CRTAP: variants seen among roughly 807,000 people sequenced by gnomAD.
CRTAP encodes the protein cartilage-associated protein.
A neutral mutation model predicts 42.7 loss-of-function variants in CRTAP; 33 were observed. That is an observed-to-expected ratio of 0.77 (90% CI 0.59 to 1.03). The LOEUF is 1.03. CRTAP is among the 50% of genes least tolerant of loss of function. CRTAP has a pLI of 0.00. For missense variants in CRTAP, 613 were observed against 533.9 expected, an observed-to-expected ratio of 1.15 and a Z score of -1.46; for synonymous variants, 243 against 217.7, an observed-to-expected ratio of 1.12 and a Z score of -1.02.
chr3:33,132,589 C>T lies in CRTAP; in HGVS notation c.957C>T (p.Val319=). 6.2e-7 allele frequency: 1 copy of T among 1,614,150 alleles called. No individual in the cohort carries two copies. Among genetic ancestry groups the T allele is most frequent in the Non-Finnish European group, 8.5e-7 (1 of 1,180,010 alleles). ...TGAAGAATGCAGCCCCCTGTGCAGT[C>T]AGCTATCTGCTCTTTGATCAGAATG... is the stretch of plus-strand genomic sequence containing the variant. ...NDLKNAAPCA[V]SYLLFDQNDK... Residue 319 remains valine, a synonymous_variant, in exon 5 of 7, where the codon GTC becomes GTT. Coordinates refer to ENST00000320954, the MANE Select transcript of CRTAP (RefSeq NM_006371.5).
At chr3:33,129,581 A>G (rs1163657829) in intron 3 of CRTAP, among the ~76,000 whole-genome samples, 3 of 123,380 alleles carry the variant, frequency 2.4e-5, no homozygotes, top group Non-Finnish European at 4.7e-5. Context: ...TCTGTTGCCC[A>G]GGCTGGAGTG....
intron 2 of CRTAP, among the ~76,000 whole-genome samples, chr3:33,121,530 C>G (rs1292575566): frequency 3.3e-5 from 5 of 152,090 alleles, no homozygotes; most frequent in Non-Finnish European, 5.9e-5. Flanking sequence ...TTTTTGACTG[C>G]TAGGGAAAAT....
At chr3:33,123,834 C>T in intron 2 of CRTAP, among the ~76,000 whole-genome samples, 1 of 152,006 alleles carries the variant, frequency 6.6e-6, no homozygotes. Context: ...CCTATATTGG[C>T]CATGCTAGAG....
At chr3:33,116,838 G>C (rs1185445111) in intron 1 of CRTAP, among the ~76,000 whole-genome samples, 1 of 152,150 alleles carries the variant, frequency 6.6e-6, no homozygotes, top group Non-Finnish European at 1.5e-5. Flanking sequence ...TGGCATGATG[G>C]CTCATGCCTA....
At chr3:33,116,722 A>C (rs966886025) in intron 1 of CRTAP, among the ~76,000 whole-genome samples, 3 of 152,230 alleles carry the variant, frequency 2.0e-5, no homozygotes, top group African/African-American at 7.2e-5. Flanking sequence ...AATTTTATTA[A>C]TAAACGTGAA....
rs2030632573 is a variant in CRTAP at position 33,143,330 on chromosome 3, T to A, written c.*882T>A. On this transcript the variant is annotated 3_prime_UTR_variant, in exon 7 of 7. Coordinates refer to ENST00000320954, the MANE Select transcript of CRTAP (RefSeq NM_006371.5). The stretch of plus-strand genomic sequence containing the variant: ...TTCTAGCACCCACTGAAAAACAAGT[T>A]GAGTAGAGAGTGTAGAGTGCAGAAA... 6.6e-6 allele frequency: 1 copy of A among 152,228 alleles called. No homozygotes were observed. The highest frequency in any genetic ancestry group is 1.5e-5 in the Non-Finnish European group (1 of 68,036). 9.4% of individuals were successfully genotyped at this position (152,228 alleles called of 1,614,324 possible).
intron 5 of CRTAP, among the ~76,000 whole-genome samples, chr3:33,133,664 G>A (rs2030338282): frequency 1.4e-5 from 1 of 70,682 alleles, no homozygotes; most frequent in Non-Finnish European, 2.9e-5. Context: ...ACAACTTTTT[G>A]CAACTTTGTC....
rs1376204194 is a variant in CRTAP, at chr3:33,145,787, G to A, written c.*3339G>A. 1 of 152,330 alleles carries A rather than the reference G, an allele frequency of 6.6e-6. No homozygotes were observed. Among genetic ancestry groups the A allele is most frequent in the Non-Finnish European group, 1.5e-5 (1 of 68,160 alleles). 9.4% of individuals were successfully genotyped at this position (152,330 alleles called of 1,614,324 possible). ...TGGGTCCTTGTCTTGTGAGCCTGGG[G>A]TGAGCTCTCTGTACATGTTGTTGTT... On this transcript the variant is annotated 3_prime_UTR_variant, in exon 7 of 7. Transcript: ENST00000320954. This position sits in a 1 kb window ranked among gnomAD's most constrained non-coding sequence, Gnocchi z 4.3.
In CRTAP at chr3:33,134,169, T is replaced by C; in HGVS notation, c.1069-13T>C. ...GTTGGTCCTATAAACTGTTCTCTGT[T>C]GTGTCTGAACAGGAAGCAGTTCAGT... On this transcript the variant is annotated splice_polypyrimidine_tract_variant and intron_variant, in intron 5 of 6. Transcript: ENST00000320954. The C allele has an allele frequency of 6.3e-7, 1 of 1,597,126 alleles. No homozygotes were observed. Among genetic ancestry groups the C allele is most frequent in the South Asian group, 1.1e-5 (1 of 90,748 alleles).
rs770594242 is a variant in CRTAP at position 33,114,265 on chromosome 3, G to A, written c.188G>A (p.Ser63Asn). 1.9e-6 allele frequency: 3 copies of A among 1,583,152 alleles called. No individual in the cohort carries two copies. Among genetic ancestry groups the A allele is most frequent in the East Asian group, 4.6e-5 (2 of 43,500 alleles). The change falls in exon 1 of 7, where the codon AGC (serine) becomes AAC (asparagine). Residue 63 changes from serine to asparagine, a missense_variant. Physicochemically the swap from Ser to Asn is conservative, Grantham distance 46. Transcript: ENST00000320954. ...DKYSGEHWAE[S>N]VGYLEISLRL... ...TACAGCGGCGAGCACTGGGCCGAGAGCGTGGGCTACCTGGAGATCAGCCTG... is the reference window on the plus strand; with the variant it reads ...TACAGCGGCGAGCACTGGGCCGAGAACGTGGGCTACCTGGAGATCAGCCTG...
At chr3:33,128,530 G>A (rs574921535) in intron 3 of CRTAP, among the ~76,000 whole-genome samples, 37 of 152,230 alleles carry the variant, frequency 2.4e-4, no homozygotes, top group African/African-American at 8.9e-4. Flanking sequence ...AGGATATCAC[G>A]TCAAGATATG....
rs1419836218 is a variant in CRTAP at position 33,132,600 on chromosome 3, T to C, written c.968T>C (p.Leu323Pro). The stretch of plus-strand genomic sequence containing the variant: ...GCCCCCTGTGCAGTCAGCTATCTGC[T>C]CTTTGATCAGAATGACAAGGTCATG... ...NAAPCAVSYL[L>P]FDQNDKVMQQ... The change falls in exon 5 of 7, where the codon CTC becomes CCC. Residue 323 changes from leucine (L) to proline (P), a missense_variant. Coordinates refer to ENST00000320954, the MANE Select transcript of CRTAP (RefSeq NM_006371.5). 5.0e-6 allele frequency: 8 copies of C among 1,614,080 alleles called. No individual in the cohort carries two copies. Among genetic ancestry groups the C allele is most frequent in the Non-Finnish European group, 6.8e-6 (8 of 1,180,034 alleles).
chr3:33,118,690 C>G (rs1575514187), intron 1 of CRTAP, among the ~76,000 whole-genome samples: 1 of 152,256 alleles, frequency 6.6e-6, no homozygotes, highest in Non-Finnish European at 1.5e-5. Context: ...TTGGCTGAGT[C>G]TCTGTGCACA....
At chr3:33,135,976 T>A (rs2030408544) in intron 6 of CRTAP, among the ~76,000 whole-genome samples, 1 of 152,208 alleles carries the variant, frequency 6.6e-6, no homozygotes, top group Non-Finnish European at 1.5e-5. Context: ...TTATTTAACT[T>A]TAGAACATTT....
At chr3:33,118,869 G>A (rs143026041) in intron 1 of CRTAP, among the ~76,000 whole-genome samples, 45 of 152,308 alleles carry the variant, frequency 3.0e-4, no homozygotes, top group Middle Eastern at 3.4e-3. Context: ...GACTTCTGCC[G>A]TCTTGAACAC....
chr3:33,128,468 T>A (rs1019946280), intron 3 of CRTAP, among the ~76,000 whole-genome samples: 4 of 152,228 alleles, frequency 2.6e-5, no homozygotes, highest in Non-Finnish European at 4.4e-5. Flanking sequence ...GTCTTCACAG[T>A]TACATTCAGG....
chr3:33,115,032 C>T (rs533049421), intron 1 of CRTAP, among the ~76,000 whole-genome samples: 42 of 152,292 alleles, frequency 2.8e-4, no homozygotes, highest in Non-Finnish European at 5.0e-4. Context: ...CAGCCTTGAC[C>T]TCCTCAGGCT....
In CRTAP at chr3:33,114,118, T is replaced by G; in HGVS notation, c.41T>G (p.Leu14Arg). ...GRRGAAALLALLCVACALRAG... is the reference protein window; with the variant it reads ...GRRGAAALLARLCVACALRAG... ...CGGGGGGCCGCGGCGCTGCTAGCGCTGCTGTGCGTGGCCTGCGCGCTGCGC... is the reference window on the plus strand; with the variant it reads ...CGGGGGGCCGCGGCGCTGCTAGCGCGGCTGTGCGTGGCCTGCGCGCTGCGC... Residue 14 changes from leucine (L) to arginine (R), a missense_variant, in exon 1 of 7, where the codon CTG becomes CGG. Transcript: ENST00000320954. 1.3e-6 allele frequency: 2 copies of G among 1,534,446 alleles called. No homozygotes were observed. Among genetic ancestry groups the G allele is most frequent in the Non-Finnish European group, 1.7e-6 (2 of 1,151,474 alleles).
In CRTAP at chr3:33,146,435, C is replaced by T. The variant is rs2030725460; in HGVS notation, c.*3987C>T. ...CTAAAGATACTCCTTGTGGCCACTG[C>T]TACTGTTCACACTTGACTTGTGGAG... On this transcript the variant is annotated 3_prime_UTR_variant, in exon 7 of 7. Transcript: ENST00000320954. 1 of 152,318 alleles carries T rather than the reference C, an allele frequency of 6.6e-6. No homozygotes were observed. Among genetic ancestry groups the T allele is most frequent in the Admixed American group, 6.5e-5 (1 of 15,284 alleles). The allele number at this position is 152,318 out of a possible 1,614,324, so 9.4% of individuals were successfully genotyped here. A position where few individuals can be genotyped will look rare whatever the true frequency, so the allele number is the denominator to read the frequency against.
Sources: gnomAD v4.1 joint callset for allele counts (sites outside exome capture counted in the v4.1 genomes callset) on GRCh38, gnomAD v4.1.1 for gene constraint, Gnocchi (gnomAD v3.1) non-coding constraint, MANE v1.5 for transcripts, NCBI Gene and HGNC (gene_info 2026-07-23, HGNC 2026-07-21) for gene names.